Variants in HOOK3 observed in about 807,000 individuals in gnomAD.
HOOK3 encodes protein Hook homolog 3.
HOOK3 carries 24 observed loss-of-function variants against 116.3 expected under a neutral mutation model. The observed-to-expected ratio is 0.21, with a 90% CI of 0.15 to 0.29. The LOEUF is 0.29. Among genes scored for constraint, HOOK3 ranks in the 10% least tolerant of loss-of-function variants. The pLI is 1.00. For missense variants in HOOK3, 632 were observed against 830.2 expected (o/e 0.76, Z 2.93); for synonymous variants, 275 against 283.0 (o/e 0.97, Z 0.28).
intron 1 of HOOK3, among the ~76,000 whole-genome samples, chr8:42,903,640 G>T (rs1563287118): frequency 6.6e-6 from 1 of 150,984 alleles, no homozygotes; most frequent in East Asian, 2.0e-4. Flanking sequence ...ACCGTGCCCG[G>T]CCAATAGTTG....
At chr8:43,017,104 A>G (rs1025681400) in intron 21 of HOOK3, among the ~76,000 whole-genome samples, 1 of 152,174 alleles carries the variant, frequency 6.6e-6, no homozygotes, top group Non-Finnish European at 1.5e-5. Context: ...TCTTCTGCAC[A>G]TCCTTCATTG....
At chr8:42,946,654 C>T (rs1808233189) in intron 5 of HOOK3, among the ~76,000 whole-genome samples, 1 of 150,360 alleles carries the variant, frequency 6.7e-6, no homozygotes, top group African/African-American at 2.4e-5. Flanking sequence ...GCATTATTTT[C>T]TTGAAGTTAT....
chr8:42,907,254 T>C (rs1020700901), intron 2 of HOOK3, among the ~76,000 whole-genome samples: 12 of 152,202 alleles, frequency 7.9e-5, no homozygotes, highest in African/African-American at 2.4e-4. Context: ...AATGAATTAT[T>C]GGTTTTCTTT....
Position 43,010,315 on chromosome 8 carries a change from T to G in HOOK3, c.1749T>G (p.Ile583Met). 1 of 1,379,334 alleles carries G rather than the reference T, an allele frequency of 7.2e-7. No individual in the cohort carries two copies. Among genetic ancestry groups the G allele is most frequent in the Non-Finnish European group, 9.6e-7 (1 of 1,042,602 alleles). The allele number at this position is 1,379,334 out of a possible 1,614,324, so 85.4% of individuals were successfully genotyped here. Residue 583 changes from isoleucine to methionine, a missense_variant, in exon 19 of 22, where the codon ATT becomes ATG. Around this residue, in one of 3 missense-constraint regions of HOOK3, gnomAD observed 483 missense variants for 648.1 expected, o/e 0.75. Coordinates refer to ENST00000307602, the MANE Select transcript of HOOK3 (RefSeq NM_032410.4). ...EPRFNNSSLKIEELQEALRKK... is the reference protein window; with the variant it reads ...EPRFNNSSLKMEELQEALRKK... ...GTGTCTCATCTGCAGCCTTAAAAAT[T>G]GAAGAATTACAAGAAGCTTTACGAA... is the stretch of plus-strand genomic sequence containing the variant.
chr8:43,006,814 T>C (rs1352330972), intron 17 of HOOK3, among the ~76,000 whole-genome samples: 2 of 152,166 alleles, frequency 1.3e-5, no homozygotes, highest in African/African-American at 4.8e-5. Context: ...TAAAGTGCTT[T>C]TTTTTAATTA....
intron 17 of HOOK3, among the ~76,000 whole-genome samples, chr8:43,006,862 TC>T (rs1214774478): frequency 6.6e-6 from 1 of 152,072 alleles, no homozygotes; most frequent in East Asian, 1.9e-4. Flanking sequence ...CAGCCTTTTT[TC>T]CTAGTTATGT....
intron 17 of HOOK3, among the ~76,000 whole-genome samples, chr8:43,005,513 C>T (rs553622293): frequency 6.8e-4 from 103 of 151,798 alleles, no homozygotes; most frequent in African/African-American, 2.3e-3. Context: ...TGAGCCACCG[C>T]GCCTGGCCTA....
At chr8:42,952,111 G>T (rs1296036259) in intron 6 of HOOK3, among the ~76,000 whole-genome samples, 2 of 152,144 alleles carry the variant, frequency 1.3e-5, no homozygotes, top group Non-Finnish European at 2.9e-5. Flanking sequence ...CCACAGTTCA[G>T]ACACCAGCTC....
At chr8:42,961,959 T>C (rs533507346) in intron 8 of HOOK3, among the ~76,000 whole-genome samples, 2 of 152,116 alleles carry the variant, frequency 1.3e-5, no homozygotes, top group East Asian at 1.9e-4. Flanking sequence ...GCTAATTCTT[T>C]TATGTTTCGT....
intron 17 of HOOK3, among the ~76,000 whole-genome samples, chr8:43,007,016 ATTTTTTTTTTTTTTTTTTT>A (rs58609523): frequency 9.7e-6 from 1 of 103,244 alleles, no homozygotes; most frequent in African/African-American, 4.3e-5. Context: ...AAGTTCCTAG[ATTTTTTTTTTTTTTTTTTT>A]TTTTTTTTTG....
In HOOK3 at chr8:42,943,453, G is replaced by T; in HGVS notation, c.400+8G>T. On this transcript the variant is annotated splice_region_variant and intron_variant, in intron 5 of 21. Transcript: ENST00000307602. ...ACTGTGAACAGAAGCAAGGTAATTT[G>T]TTTCAAGTTAGTGTTTGCATTTAAA... 1 of 1,423,150 alleles carries T rather than the reference G, an allele frequency of 7.0e-7. No homozygotes were observed. 88.2% of individuals were successfully genotyped at this position (1,423,150 alleles called of 1,614,324 possible).
chr8:43,011,258 G>A lies in HOOK3; in HGVS notation c.1839+853G>A, dbSNP rs1426303111. On this transcript the variant is annotated intron_variant, in intron 19 of 21. Transcript: ENST00000307602. ...TCCGCCCGCCTCGGCCTCCCAAAGT[G>A]CTGGGATTACAGGTGTGAGCCACCG... Among the ~76,000 whole-genome samples, 3 of 152,132 alleles carry A rather than the reference G, an allele frequency of 2.0e-5. No homozygotes were observed. In the East Asian group the frequency reaches 5.8e-4, roughly 29 times the overall value.
At chr8:42,959,379 T>C (rs13252100) in intron 8 of HOOK3, 65 bp downstream of exon 8, 1 of 1,079,714 alleles carries the variant, frequency 9.3e-7, no homozygotes, top group Non-Finnish European at 1.4e-6. Flanking sequence ...CCAAATGTGC[T>C]GTGTACTGTC....
At chr8:42,899,284 G>A (rs180953394) in intron 1 of HOOK3, among the ~76,000 whole-genome samples, 12 of 152,342 alleles carry the variant, frequency 7.9e-5, no homozygotes, top group African/African-American at 2.6e-4. Context: ...ATTATCAGCT[G>A]TAGAGAGGTC....
chr8:42,897,898 C>T (rs1014004711), intron 1 of HOOK3, among the ~76,000 whole-genome samples: 3 of 152,194 alleles, frequency 2.0e-5, no homozygotes, highest in African/African-American at 7.2e-5. Flanking sequence ...AACCGACGCC[C>T]GGGTTCCAGT....
At chr8:42,957,744 C>T (rs1808461242) in intron 7 of HOOK3, among the ~76,000 whole-genome samples, 1 of 151,494 alleles carries the variant, frequency 6.6e-6, no homozygotes, top group South Asian at 2.1e-4. Flanking sequence ...GCTCTAAGAA[C>T]TACTGTATTT....
chr8:43,010,088 A>G (rs1426094905), intron 18 of HOOK3, among the ~76,000 whole-genome samples: 1 of 150,450 alleles, frequency 6.6e-6, no homozygotes, highest in African/African-American at 2.4e-5. Flanking sequence ...ATTTATTTAT[A>G]AGAAAATCTT....
At chr8:42,945,033 A>G (rs1411320434) in intron 5 of HOOK3, among the ~76,000 whole-genome samples, 2 of 152,200 alleles carry the variant, frequency 1.3e-5, no homozygotes, top group Non-Finnish European at 2.9e-5. Context: ...CATGAGCTGC[A>G]GTGTGCATCA....
At chr8:42,959,120 T>G (rs988146997) in intron 7 of HOOK3, 111 bp from the exon 8 acceptor site, 6 of 674,998 alleles carry the variant, frequency 8.9e-6, no homozygotes, top group Non-Finnish European at 1.5e-5. Flanking sequence ...TCTTGCACCC[T>G]TCCCTCTTCA....
Sources: gnomAD v4.1 joint callset for allele counts (sites outside exome capture counted in the v4.1 genomes callset) on GRCh38, gnomAD v4.1.1 for gene constraint, gnomAD v4.1.1 regional missense constraint, MANE v1.5 for transcripts, NCBI Gene and HGNC (gene_info 2026-07-23, HGNC 2026-07-21) for gene names.